The following NDUFA8 variants were observed in gnomAD, a reference collection of about 807,000 sequenced individuals.
NDUFA8 encodes NADH:ubiquinone oxidoreductase subunit A8, also known as NADH dehydrogenase [ubiquinone] 1 alpha subcomplex subunit 8.
Under a neutral mutation model 20.9 loss-of-function variants are expected in NDUFA8, and 16 were observed. The observed-to-expected ratio is 0.77, with a 90% CI of 0.52 to 1.16. The LOEUF is 1.16. NDUFA8 is among the 50% of genes most tolerant of loss of function. The pLI is 0.00. For synonymous variants in NDUFA8, 70 were observed against 76.1 expected (o/e 0.92, Z 0.41); for missense variants, 202 against 216.4 (o/e 0.93, Z 0.42).
At position 122,147,013 on chromosome 9, in the gene NDUFA8, T is replaced by C. The variant is rs144814925; in HGVS notation, c.381+1099A>G. 2.0e-4 allele frequency among the ~76,000 whole-genome samples: 30 copies of C among 152,338 alleles called. No homozygotes were observed. In the East Asian group the frequency reaches 3.5e-3, roughly 18 times the overall value. On this transcript the variant is annotated intron_variant, in intron 3 of 3. Transcript: ENST00000373768. ...GCATGCCATGTTATGGAGAAGATGC[T>C]TTATCTCACCAGCAATGGAGAGTCC... is the stretch of plus-strand genomic sequence containing the variant.
downstream of NDUFA8, among the ~76,000 whole-genome samples, chr9:122,141,701 C>T (rs986861289): frequency 1.3e-5 from 2 of 152,218 alleles, no homozygotes; most frequent in Non-Finnish European, 2.9e-5. Flanking sequence ...GTTCAGGAAT[C>T]CTTCCCACTA....
intron 1 of NDUFA8, among the ~76,000 whole-genome samples, chr9:122,155,511 G>A (rs942336222): frequency 1.8e-4 from 28 of 152,224 alleles, no homozygotes; most frequent in African/African-American, 6.8e-4. Context: ...TAGTGCAACT[G>A]TTATAATTAT....
chr9:122,152,843 C>T (rs988851048), intron 1 of NDUFA8, among the ~76,000 whole-genome samples: 2 of 152,040 alleles, frequency 1.3e-5, no homozygotes, highest in Admixed American at 6.6e-5. Flanking sequence ...AGAAATGGCA[C>T]CCCTAATAGA....
At chr9:122,159,577 G>A (rs767653536) in intron 1 of NDUFA8, 50 bp downstream of exon 1, 11 of 1,610,766 alleles carry the variant, frequency 6.8e-6, no homozygotes, top group African/African-American at 1.3e-5. Flanking sequence ...GCCCAGGCCC[G>A]AGAAGCCGCA....
rs1829090735 is a variant in NDUFA8 at position 122,157,377 on chromosome 9, TA to T, written c.51+2249del. Among the ~76,000 whole-genome samples the T allele has an allele frequency of 2.6e-5, 4 of 152,366 alleles. No homozygotes were observed. The South Asian group carries it at 8.3e-4, about 32-fold the overall frequency. ...TACAAATAACCATGTCTGCAAATGC[TA>T]AAATCAAGTAATCAAGGTGACCGGC... On this transcript the variant is annotated intron_variant, in intron 1 of 3. Coordinates refer to ENST00000373768, the MANE Select transcript of NDUFA8 (RefSeq NM_014222.3).
chr9:122,141,297 G>A (rs1806588692), downstream of NDUFA8, among the ~76,000 whole-genome samples: 1 of 152,306 alleles, frequency 6.6e-6, no homozygotes, highest in Non-Finnish European at 1.5e-5. Context: ...CTGAGTAGCA[G>A]AGGCACGTGG....
the NDUFA8 span, among the ~76,000 whole-genome samples, chr9:122,132,606 T>A: frequency 6.6e-6 from 1 of 152,038 alleles, no homozygotes; most frequent in African/African-American, 2.4e-5. Context: ...CCTGACTGGC[T>A]GTGTGACCTG....
downstream of NDUFA8, among the ~76,000 whole-genome samples, chr9:122,140,881 C>T (rs1054592438): frequency 6.6e-6 from 1 of 152,154 alleles, no homozygotes; most frequent in African/African-American, 2.4e-5. Context: ...GTCACACAGC[C>T]ATTAAATGAC....
the NDUFA8 span, among the ~76,000 whole-genome samples, chr9:122,136,798 G>A: frequency 2.6e-5 from 4 of 152,052 alleles, no homozygotes; most frequent in Admixed American, 2.6e-4. Context: ...CTCGTGATCC[G>A]CCCGTCTCAG....
chr9:122,143,989 A>C, downstream of NDUFA8: 1 of 1,159,356 alleles, frequency 8.6e-7, no homozygotes, highest in Non-Finnish European at 1.1e-6. Flanking sequence ...GGACCACAAG[A>C]AGAAAAAAGC....
Position 122,152,360 on chromosome 9 carries a change from C to G in NDUFA8, c.100G>C (p.Ala34Pro). ...TCCTTGTTGGGCTTATCACATTGAG[C>G]TCCATAGTGATGGGCCGCAGCTTTA... ...VLKAAAHHYG[A>P]QCDKPNKEFM... The change falls in exon 2 of 4, where the codon GCT (alanine) becomes CCT (proline). Residue 34 changes from alanine to proline, a missense_variant. By Grantham distance (27) the Ala-to-Pro change is conservative. Coordinates refer to ENST00000373768, the MANE Select transcript of NDUFA8 (RefSeq NM_014222.3). The G allele has an allele frequency of 6.2e-7, 1 of 1,614,118 alleles. No homozygotes were observed. The highest frequency in any genetic ancestry group is 8.5e-7 in the Non-Finnish European group (1 of 1,180,032).
chr9:122,152,521 TTTACCAAGAAAATTAAACA>T, intron 1 of NDUFA8, 113 bp from the exon 2 acceptor site: 2 of 1,014,534 alleles, frequency 2.0e-6, no homozygotes, highest in South Asian at 2.9e-5. Flanking sequence ...CTGTTCTGAC[TTTACCAAGAAAATTAAACA>T]CTGTCATAAT....
the NDUFA8 span, among the ~76,000 whole-genome samples, chr9:122,134,224 T>G: frequency 4.6e-3 from 697 of 152,318 alleles, 8 homozygotes; most frequent in African/African-American, 0.016. Flanking sequence ...ATTCACCTTT[T>G]CCAAATGCCT....
downstream of NDUFA8, among the ~76,000 whole-genome samples, chr9:122,142,281 T>C (rs1588289643): frequency 6.6e-6 from 1 of 152,334 alleles, no homozygotes; most frequent in Non-Finnish European, 1.5e-5. Context: ...GGTTTAAATC[T>C]CAGCTTAGCC....
the NDUFA8 span, among the ~76,000 whole-genome samples, chr9:122,135,491 C>T: frequency 2.0e-5 from 3 of 152,206 alleles, no homozygotes; most frequent in African/African-American, 7.2e-5. Context: ...TCCTGTCTCT[C>T]CTCATGCTTC....
intron 3 of NDUFA8, among the ~76,000 whole-genome samples, chr9:122,146,714 T>C (rs1285337895): frequency 2.0e-5 from 3 of 152,170 alleles, no homozygotes; most frequent in South Asian, 2.1e-4. Context: ...CTGGGTAATA[T>C]AGCAAAATCC....
At chr9:122,135,684 G>A in the NDUFA8 span, among the ~76,000 whole-genome samples, 1 of 152,158 alleles carries the variant, frequency 6.6e-6, no homozygotes, top group African/African-American at 2.4e-5. Flanking sequence ...TGAAGTCCTG[G>A]GCTCAAGGGA....
the NDUFA8 span, among the ~76,000 whole-genome samples, chr9:122,135,882 C>A: frequency 6.6e-6 from 1 of 152,206 alleles, no homozygotes; most frequent in Non-Finnish European, 1.5e-5. Flanking sequence ...AGCCACCATG[C>A]CCGGCCTAGC....
At chr9:122,137,420 T>G in the NDUFA8 span, among the ~76,000 whole-genome samples, 1 of 151,998 alleles carries the variant, frequency 6.6e-6, no homozygotes. Flanking sequence ...TTTGTATTTT[T>G]AGTAGAGATG....
Sources: allele counts gnomAD v4.1 joint callset (sites outside exome capture counted in the v4.1 genomes callset), GRCh38; gene constraint gnomAD v4.1.1; transcripts MANE v1.5; gene names NCBI Gene and HGNC (gene_info 2026-07-23, HGNC 2026-07-21).